SPIRE1: variants seen among roughly 807,000 people sequenced by gnomAD.
SPIRE1 encodes protein spire homolog 1.
A neutral mutation model predicts 94.1 loss-of-function variants in SPIRE1; 40 were observed. That is an observed-to-expected ratio of 0.43 (90% CI 0.33 to 0.55). The LOEUF (loss-of-function observed/expected upper bound fraction) is 0.55. Among genes scored for constraint, SPIRE1 ranks in the 20% least tolerant of loss-of-function variants. The pLI is 0.06. For synonymous variants in SPIRE1, 376 were observed against 371.7 expected, an observed-to-expected ratio of 1.01 and a Z score of -0.13; for missense variants, 838 against 975.2, an observed-to-expected ratio of 0.86 and a Z score of 1.87.
intron 1 of SPIRE1, among the ~76,000 whole-genome samples, chr18:12,637,185 T>G (rs1174205940): frequency 2.0e-5 from 3 of 152,028 alleles, no homozygotes; most frequent in Non-Finnish European, 4.4e-5. Context: ...TGGTGAAACC[T>G]CATCTCTATT....
intron 2 of SPIRE1, among the ~76,000 whole-genome samples, chr18:12,630,717 C>G (rs78874284): frequency 2.0e-5 from 3 of 151,952 alleles, no homozygotes; most frequent in Non-Finnish European, 1.5e-5. Context: ...GGCAGAGAAG[C>G]GAGAAGGAAA....
intron 2 of SPIRE1, among the ~76,000 whole-genome samples, chr18:12,615,345 A>AAAAATATAT: frequency 4.6e-4 from 8 of 17,232 alleles, no homozygotes; most frequent in East Asian, 1.7e-3. Flanking sequence ...AAAAAAAAAA[A>AAAAATATAT]ATATATATAT....
At chr18:12,459,950 A>C (rs1277144417) in intron 12 of SPIRE1, 1 of 982,556 alleles carries the variant, frequency 1.0e-6, no homozygotes, top group African/African-American at 1.7e-5. Context: ...ATAAGGGAAA[A>C]AGAAAATGGC....
At chr18:12,476,636 T>C (rs527918149) in intron 10 of SPIRE1, among the ~76,000 whole-genome samples, 18 of 141,444 alleles carry the variant, frequency 1.3e-4, no homozygotes, top group East Asian at 1.0e-3. Flanking sequence ...TATATACACA[T>C]ATATATAAAA....
chr18:12,548,604 C>CTTTTTTTT (rs59811774), intron 2 of SPIRE1, among the ~76,000 whole-genome samples: 2 of 144,258 alleles, frequency 1.4e-5, no homozygotes, highest in African/African-American at 2.5e-5. Flanking sequence ...TCTTTTCTTT[C>CTTTTTTTT]TTTTTTTTTT....
upstream of SPIRE1, among the ~76,000 whole-genome samples, chr18:12,659,096 T>A (rs529734047): frequency 2.2e-4 from 33 of 152,340 alleles, no homozygotes; most frequent in African/African-American, 7.7e-4. Context: ...GTAGATTAAT[T>A]TAATCGATAA....
intron 10 of SPIRE1, among the ~76,000 whole-genome samples, chr18:12,468,933 G>A (rs934638660): frequency 1.3e-5 from 2 of 151,972 alleles, no homozygotes; most frequent in Non-Finnish European, 2.9e-5. Context: ...GTGTGGTGGT[G>A]CACACCTATG....
chr18:12,567,184 AAGT>A (rs1315840045), intron 2 of SPIRE1, among the ~76,000 whole-genome samples: 1 of 152,240 alleles, frequency 6.6e-6, no homozygotes, highest in Non-Finnish European at 1.5e-5. Context: ...AGCAATGAAC[AAGT>A]AGAATTTGAA....
At chr18:12,484,633 T>C (rs1473666159) in intron 9 of SPIRE1, among the ~76,000 whole-genome samples, 1 of 152,262 alleles carries the variant, frequency 6.6e-6, no homozygotes, top group African/African-American at 2.4e-5. Context: ...AGGCATTCTA[T>C]GGCATTTAAA....
intron 2 of SPIRE1, among the ~76,000 whole-genome samples, chr18:12,606,327 CT>C (rs1211194369): frequency 6.6e-6 from 1 of 150,586 alleles, no homozygotes; most frequent in African/African-American, 2.4e-5. Context: ...TAAGTTCTCT[CT>C]TTGTACAAAG....
In SPIRE1 at chr18:12,506,495, G is replaced by C; in HGVS notation, c.954C>G (p.Tyr318Ter). The C allele has an allele frequency of 6.2e-7, 1 of 1,613,960 alleles. No homozygotes were observed. The highest frequency in any genetic ancestry group is 8.5e-7 in the Non-Finnish European group (1 of 1,179,940). Residue 318 changes from tyrosine (Y) to a stop codon, truncating the protein, a stop_gained, in exon 6 of 17, where the codon TAC (tyrosine) becomes TAG (stop). Transcript: ENST00000409402. LOFTEE classifies it high-confidence loss of function. ...MLMDDIRCKRYTLRKVMVNGD... is the reference protein window; with the variant it reads ...MLMDDIRCKR Reference sequence around the variant, plus strand: ...TACTTACCATCACTTTTCGCAAGGTGTATCTTTTGCAGCGAATGTCATCCA... The same window carrying C: ...TACTTACCATCACTTTTCGCAAGGTCTATCTTTTGCAGCGAATGTCATCCA...
intron 9 of SPIRE1, among the ~76,000 whole-genome samples, chr18:12,481,490 A>G (rs486498): frequency 0.74 from 112,807 of 151,706 alleles, 42,550 homozygotes; most frequent in Middle Eastern, 0.93. Context: ...TATAATTTCT[A>G]CTTATTTTTG....
intron 2 of SPIRE1, among the ~76,000 whole-genome samples, chr18:12,625,561 G>A (rs1036976144): frequency 6.6e-6 from 1 of 152,298 alleles, no homozygotes; most frequent in South Asian, 2.1e-4. Flanking sequence ...GTTTCTACAA[G>A]ATATTTTAAG....
chr18:12,510,686 G>C (rs1033687496), intron 5 of SPIRE1, among the ~76,000 whole-genome samples: 2 of 152,004 alleles, frequency 1.3e-5, no homozygotes, highest in Non-Finnish European at 2.9e-5. Context: ...GGGATTACAG[G>C]TGTGCACCAC....
intron 1 of SPIRE1, among the ~76,000 whole-genome samples, chr18:12,635,374 A>G (rs2037893775): frequency 1.3e-5 from 2 of 152,302 alleles, no homozygotes; most frequent in South Asian, 4.1e-4. Flanking sequence ...AGATATATAA[A>G]TCAATCAAAC....
intron 12 of SPIRE1, among the ~76,000 whole-genome samples, chr18:12,462,142 A>T (rs2031889758): frequency 1.3e-5 from 2 of 152,190 alleles, no homozygotes; most frequent in South Asian, 4.1e-4. Context: ...CCTATCAGGA[A>T]TCGCCATAAA....
chr18:12,650,193 C>T lies in SPIRE1; in HGVS notation c.337+7337G>A, dbSNP rs1180854504. On this transcript the variant is annotated intron_variant, in intron 1 of 16. Coordinates refer to ENST00000409402, the MANE Select transcript of SPIRE1 (RefSeq NM_001128626.2). ...GGCGAAGGTTGCAGTGACCCGAGCT[C>T]GTGCCACTGCACTCCAGCCTGGGCA... Among the ~76,000 whole-genome samples, 6 of 151,794 alleles carry T rather than the reference C, an allele frequency of 4.0e-5. No individual in the cohort carries two copies. The South Asian group carries it at 8.3e-4, about 21-fold the overall frequency.
At chr18:12,519,263 C>T (rs2144083817) in intron 4 of SPIRE1, among the ~76,000 whole-genome samples, 1 of 152,208 alleles carries the variant, frequency 6.6e-6, no homozygotes, top group Admixed American at 6.5e-5. Flanking sequence ...AAAATGAAAG[C>T]AATTCATTTC....
intron 1 of SPIRE1, among the ~76,000 whole-genome samples, chr18:12,638,343 C>T (rs1434396412): frequency 1.3e-5 from 2 of 152,172 alleles, no homozygotes; most frequent in Non-Finnish European, 2.9e-5. Flanking sequence ...ACTCAGGAAG[C>T]TGAGGAAGGA....
Sources: allele counts gnomAD v4.1 joint callset (sites outside exome capture counted in the v4.1 genomes callset), GRCh38; gene constraint gnomAD v4.1.1; transcripts MANE v1.5; gene names NCBI Gene and HGNC (gene_info 2026-07-23, HGNC 2026-07-21).